The following ADAM12 variants were observed in gnomAD, a reference collection of about 807,000 sequenced individuals.
The protein encoded by ADAM12 is ADAM metallopeptidase domain 12.
In ADAM12, 70 loss-of-function variants were observed where a neutral mutation model predicts 106.4. The ratio of observed to expected loss-of-function variants is 0.66; its 90% confidence interval spans 0.54 to 0.80. The LOEUF (loss-of-function observed/expected upper bound fraction) is 0.80. ADAM12 is among the 30% of genes least tolerant of loss of function. ADAM12 has a pLI of 0.00. For synonymous variants in ADAM12, 420 were observed against 433.5 expected (o/e 0.97, Z 0.39); for missense variants, 1,010 against 1,171.9 (o/e 0.86, Z 2.02).
At position 126,240,219 on chromosome 10, in the gene ADAM12, C is replaced by T. The variant is rs547217477; in HGVS notation, c.260+38696G>A. On this transcript the variant is annotated intron_variant, in intron 3 of 22. Transcript: ENST00000448723. ...ACATAGCTGAGGACTCTTCACCAGC[C>T]GAAGGGGAACTATACAACCAAGACA... 2.0e-5 allele frequency among the ~76,000 whole-genome samples: 3 copies of T among 152,338 alleles called. No individual in the cohort carries two copies. In the South Asian group the frequency reaches 6.2e-4, roughly 32 times the overall value.
intron 5 of ADAM12, among the ~76,000 whole-genome samples, chr10:126,128,051 C>CG (rs1956234619): frequency 6.6e-6 from 1 of 151,746 alleles, no homozygotes; most frequent in Non-Finnish European, 1.5e-5. Context: ...AAAAATTGAA[C>CG]GGGGGTCAGC....
At chr10:126,147,318 A>T (rs1158251434) in intron 4 of ADAM12, among the ~76,000 whole-genome samples, 1 of 152,166 alleles carries the variant, frequency 6.6e-6, no homozygotes, top group African/African-American at 2.4e-5. Context: ...CTGTTCCACA[A>T]GAGGCCCCTG....
At chr10:126,208,159 C>G (rs1175263078) in intron 3 of ADAM12, among the ~76,000 whole-genome samples, 1 of 152,072 alleles carries the variant, frequency 6.6e-6, no homozygotes, top group Non-Finnish European at 1.5e-5. Context: ...TTTAAAGAAG[C>G]CACCATAAAA....
At position 126,332,364 on chromosome 10, in the gene ADAM12, G is replaced by T. The variant is rs112926412; in HGVS notation, c.89-1855C>A. 9.8e-3 allele frequency among the ~76,000 whole-genome samples: 1,499 copies of T among 152,282 alleles called. 31 individuals carry two copies. The highest frequency in any genetic ancestry group is 0.034 in the African/African-American group (1,421 of 41,538). ...TCTCCGTCCTGTGCATTTCAGAGAG[G>T]GACGTAGAGAAAACTGCCCTCAGGA... On this transcript the variant is annotated intron_variant, in intron 1 of 22. Coordinates refer to ENST00000448723, the MANE Select transcript of ADAM12 (RefSeq NM_001288973.2).
At chr10:126,159,590 G>A (rs1956897668) in intron 3 of ADAM12, among the ~76,000 whole-genome samples, 1 of 152,124 alleles carries the variant, frequency 6.6e-6, no homozygotes, top group Admixed American at 6.5e-5. Context: ...GAAGGCTTCT[G>A]ACCAGGCTTA....
intron 18 of ADAM12, among the ~76,000 whole-genome samples, chr10:126,040,908 C>T (rs1411020572): frequency 6.6e-6 from 1 of 152,122 alleles, no homozygotes; most frequent in African/African-American, 2.4e-5. Context: ...TCCCCAGGAC[C>T]AGCACGAGCA....
chr10:126,036,130 A>C lies in ADAM12; in HGVS notation c.2529+16T>G, dbSNP rs1056427176. 2 of 1,424,444 alleles carry C rather than the reference A, an allele frequency of 1.4e-6. No individual in the cohort carries two copies. Among genetic ancestry groups the C allele is most frequent in the African/African-American group, 3.0e-5 (2 of 67,056 alleles). 88.2% of individuals were successfully genotyped at this position (1,424,444 alleles called of 1,614,324 possible). On this transcript the variant is annotated intron_variant, in intron 21 of 22. Coordinates refer to ENST00000448723, the MANE Select transcript of ADAM12 (RefSeq NM_001288973.2). ...GATTTGAACTACATCCTATCATATT[A>C]GTACTGAAAGCATACCTGGGCCTGC... is the stretch of plus-strand genomic sequence containing the variant.
rs1162773897 is a variant in ADAM12 at position 126,043,534 on chromosome 10, C to A, written c.1996-386G>T. Among the ~76,000 whole-genome samples the A allele has an allele frequency of 6.6e-6, 1 of 152,200 alleles. No homozygotes were observed. On this transcript the variant is annotated intron_variant, in intron 17 of 22. Coordinates refer to ENST00000448723, the MANE Select transcript of ADAM12 (RefSeq NM_001288973.2). This position sits in a 1 kb window ranked among gnomAD's most constrained non-coding sequence, Gnocchi z 4.1. ...GGACCGTGCTTTGGGGCTACAGACCCAGAGCCCTGGGGCACCGCGGGACCT... is the reference window on the plus strand; with the variant it reads ...GGACCGTGCTTTGGGGCTACAGACCAAGAGCCCTGGGGCACCGCGGGACCT...
At chr10:126,111,919 C>G (rs1955876951) in intron 6 of ADAM12, among the ~76,000 whole-genome samples, 1 of 151,602 alleles carries the variant, frequency 6.6e-6, no homozygotes, top group South Asian at 2.1e-4. Context: ...AAAACAACAA[C>G]AAAGAATCAT....
intron 5 of ADAM12, among the ~76,000 whole-genome samples, chr10:126,123,540 C>G (rs1391887731): frequency 6.6e-6 from 1 of 152,200 alleles, no homozygotes; most frequent in East Asian, 1.9e-4. Context: ...GAAGGGGGTT[C>G]TCAGGGTGGT....
At chr10:126,126,282 G>A (rs1412025902) in intron 5 of ADAM12, among the ~76,000 whole-genome samples, 2 of 152,014 alleles carry the variant, frequency 1.3e-5, no homozygotes, top group Non-Finnish European at 1.5e-5. Flanking sequence ...AGTGACCTTC[G>A]AGGTCCAGGT....
chr10:126,081,106 G>A (rs1305125089), intron 11 of ADAM12, among the ~76,000 whole-genome samples: 3 of 151,462 alleles, frequency 2.0e-5, no homozygotes, highest in Non-Finnish European at 4.4e-5. Context: ...CAAGGGGGCT[G>A]CAGGTCAGGG....
chr10:126,029,335 AAC>A (rs1953934402), intron 21 of ADAM12, among the ~76,000 whole-genome samples: 1 of 152,232 alleles, frequency 6.6e-6, no homozygotes, highest in African/African-American at 2.4e-5. Context: ...ACATGGAATC[AAC>A]CTAAGTGCCC....
At chr10:126,153,597 T>C (rs1956765493) in intron 4 of ADAM12, among the ~76,000 whole-genome samples, 1 of 152,240 alleles carries the variant, frequency 6.6e-6, no homozygotes, top group Non-Finnish European at 1.5e-5. Flanking sequence ...ATCTCTTATG[T>C]TCTCAGAAGT....
At chr10:126,358,456 T>C (rs1002267812) in intron 1 of ADAM12, among the ~76,000 whole-genome samples, 1 of 152,172 alleles carries the variant, frequency 6.6e-6, no homozygotes, top group African/African-American at 2.4e-5. Flanking sequence ...CCTTTTATGA[T>C]AAACTCTCAA....
rs189058648 is a variant in ADAM12, at chr10:126,321,409, A to G, written c.186+9003T>C. On this transcript the variant is annotated intron_variant, in intron 2 of 22. Coordinates refer to ENST00000448723, the MANE Select transcript of ADAM12 (RefSeq NM_001288973.2). ...GATTCAATAAAAACAATTTAAAAGT[A>G]TGATATTAAGGCCTTGCTAAGAGGT... 3.8e-3 allele frequency among the ~76,000 whole-genome samples: 571 copies of G among 152,260 alleles called. 2 individuals carry two copies. Among genetic ancestry groups the G allele is most frequent in the Non-Finnish European group, 6.5e-3 (442 of 68,018 alleles).
intron 2 of ADAM12, among the ~76,000 whole-genome samples, chr10:126,283,109 C>G (rs566552212): frequency 2.6e-4 from 40 of 152,154 alleles, no homozygotes; most frequent in Non-Finnish European, 4.9e-4. Context: ...AGATCCCTCA[C>G]GTGCACAGTT....
chr10:126,064,661 A>T lies in ADAM12; in HGVS notation c.1609+145T>A, dbSNP rs1016389215. On this transcript the variant is annotated intron_variant, in intron 14 of 22. Coordinates refer to ENST00000448723, the MANE Select transcript of ADAM12 (RefSeq NM_001288973.2). This position sits in a 1 kb window ranked among gnomAD's most constrained non-coding sequence, Gnocchi z 4.4. ...GGCCTCAGACCCTCCCTGGGAGTCA[A>T]TCACTCCCGACTGAACACACCGGAT... 12 of 861,438 alleles carry T rather than the reference A, an allele frequency of 1.4e-5. No individual in the cohort carries two copies. The highest frequency in any genetic ancestry group is 2.1e-5 in the Non-Finnish European group (12 of 570,768). The allele number at this position is 861,438 out of a possible 1,614,324, so 53.4% of individuals were successfully genotyped here. A position where few individuals can be genotyped will look rare whatever the true frequency, so the allele number is the denominator to read the frequency against.
At chr10:126,077,375 C>T (rs529501234) in intron 11 of ADAM12, among the ~76,000 whole-genome samples, 157 of 152,186 alleles carry the variant, frequency 1.0e-3, no homozygotes, top group African/African-American at 3.6e-3. Context: ...TAATTTTTCA[C>T]AGAATTAGAA....
Sources: allele counts gnomAD v4.1 joint callset (sites outside exome capture counted in the v4.1 genomes callset), GRCh38; gene constraint gnomAD v4.1.1; non-coding constraint Gnocchi (gnomAD v3.1); transcripts MANE v1.5; gene names NCBI Gene and HGNC (gene_info 2026-07-23, HGNC 2026-07-21).